Variants in TMEM17 observed in about 807,000 individuals in gnomAD.
The protein encoded by TMEM17 is transmembrane protein 17.
Under a neutral mutation model 19.1 loss-of-function variants are expected in TMEM17, and 15 were observed. That is an observed-to-expected ratio of 0.78 (90% CI 0.52 to 1.21). TMEM17 has a LOEUF of 1.21. Among genes scored for constraint, TMEM17 ranks in the 50% most tolerant of loss-of-function variants. The pLI is 0.00. For missense variants in TMEM17, 245 were observed against 242.3 expected (o/e 1.01, Z -0.07); for synonymous variants, 103 against 86.9 (o/e 1.19, Z -1.03).
the TMEM17 span, chr2:62,463,413 A>G: frequency 2.6e-5 from 4 of 152,258 alleles, 1 homozygote; most frequent in East Asian, 7.7e-4. Flanking sequence ...CCAACATTAT[A>G]GTAATAACTA....
chr2:62,472,049 G>A, the TMEM17 span, among the ~76,000 whole-genome samples: 1 of 152,340 alleles, frequency 6.6e-6, no homozygotes, highest in South Asian at 2.1e-4. Flanking sequence ...ACCTTGGCGG[G>A]GTTTCAGCCT....
the TMEM17 span, among the ~76,000 whole-genome samples, chr2:62,470,057 C>A: frequency 6.6e-6 from 1 of 152,206 alleles, no homozygotes; most frequent in Non-Finnish European, 1.5e-5. Flanking sequence ...CACCCCTGAG[C>A]CAGCAAGCTG....
chr2:62,485,263 A>T, the TMEM17 span, among the ~76,000 whole-genome samples: 41 of 152,368 alleles, frequency 2.7e-4, no homozygotes, highest in Non-Finnish European at 5.1e-4. Flanking sequence ...CTATTGCATC[A>T]GAGGATGCCA....
chr2:62,499,137 G>A (rs957571307), downstream of TMEM17, among the ~76,000 whole-genome samples: 1 of 152,028 alleles, frequency 6.6e-6, no homozygotes. Flanking sequence ...GTTTATTACA[G>A]CAAAATTACT....
At chr2:62,467,425 C>A in the TMEM17 span, among the ~76,000 whole-genome samples, 1 of 152,130 alleles carries the variant, frequency 6.6e-6, no homozygotes, top group Non-Finnish European at 1.5e-5. Context: ...CTTTAACATT[C>A]GATGAACATG....
At chr2:62,483,599 AT>A in the TMEM17 span, among the ~76,000 whole-genome samples, 26,623 of 134,120 alleles carry the variant, frequency 0.2, 2,061 homozygotes, top group East Asian at 0.28. Context: ...CCCAGGATAC[AT>A]TTTTTTTTTT....
At chr2:62,483,261 A>G in the TMEM17 span, among the ~76,000 whole-genome samples, 1 of 152,212 alleles carries the variant, frequency 6.6e-6, no homozygotes, top group African/African-American at 2.4e-5. Flanking sequence ...AGATGGAAAA[A>G]GCTGCTTGAA....
the TMEM17 span, among the ~76,000 whole-genome samples, chr2:62,455,132 C>T: frequency 6.6e-6 from 1 of 152,228 alleles, no homozygotes; most frequent in African/African-American, 2.4e-5. Flanking sequence ...TTCCCATTCC[C>T]ATTCCCACCC....
the TMEM17 span, among the ~76,000 whole-genome samples, chr2:62,464,262 C>T: frequency 6.6e-6 from 1 of 152,334 alleles, no homozygotes; most frequent in South Asian, 2.1e-4. Flanking sequence ...GCTAAAAGAG[C>T]ACTGTAACAC....
At chr2:62,502,223 C>A in intron 3 of TMEM17, 1 of 359,708 alleles carries the variant, frequency 2.8e-6, no homozygotes, top group Non-Finnish European at 5.1e-6. Flanking sequence ...CACAACAAAC[C>A]TGTGAAGTAA....
chr2:62,466,387 G>A, the TMEM17 span, among the ~76,000 whole-genome samples: 7 of 152,184 alleles, frequency 4.6e-5, no homozygotes, highest in South Asian at 2.1e-4. Flanking sequence ...ACGCTGAAGC[G>A]CAAAAGGGAG....
At chr2:62,454,133 T>A in the TMEM17 span, among the ~76,000 whole-genome samples, 1 of 152,232 alleles carries the variant, frequency 6.6e-6, no homozygotes, top group South Asian at 2.1e-4. Flanking sequence ...CTGATCTTGC[T>A]GCAGCAGCCT....
At chr2:62,472,829 G>A in the TMEM17 span, among the ~76,000 whole-genome samples, 1 of 152,234 alleles carries the variant, frequency 6.6e-6, no homozygotes, top group African/African-American at 2.4e-5. Flanking sequence ...GAAGCACATG[G>A]AGGTTTAAGA....
At chr2:62,453,847 A>G in the TMEM17 span, among the ~76,000 whole-genome samples, 1 of 152,232 alleles carries the variant, frequency 6.6e-6, no homozygotes, top group Non-Finnish European at 1.5e-5. Flanking sequence ...GGGTGGGGGA[A>G]TTCACATGCC....
rs1679900113 is a variant in TMEM17, at chr2:62,500,569, C to T, written c.*640G>A. On this transcript the variant is annotated 3_prime_UTR_variant, in exon 4 of 4. Transcript: ENST00000335390. Reference sequence around the variant, plus strand: ...CACACCATTCTCCTGCCTCAGCCTCCCAAGTAGCTGGGACTACAGGTGCCT... The same window carrying T: ...CACACCATTCTCCTGCCTCAGCCTCTCAAGTAGCTGGGACTACAGGTGCCT... The T allele has an allele frequency of 6.6e-6, 1 of 152,260 alleles. No homozygotes were observed. The highest frequency in any genetic ancestry group is 2.4e-5 in the African/African-American group (1 of 41,400). The allele number at this position is 152,260 out of a possible 1,614,324, so 9.4% of individuals were successfully genotyped here.
chr2:62,457,509 G>A, the TMEM17 span, among the ~76,000 whole-genome samples: 2 of 152,114 alleles, frequency 1.3e-5, no homozygotes, highest in South Asian at 2.1e-4. This position sits in a 1 kb window ranked among gnomAD's most constrained non-coding sequence, Gnocchi z 4.2. Context: ...AAAGCTCTGA[G>A]AAGGACATCC....
At chr2:62,459,444 C>G in the TMEM17 span, among the ~76,000 whole-genome samples, 1 of 152,232 alleles carries the variant, frequency 6.6e-6, no homozygotes, top group Non-Finnish European at 1.5e-5. Context: ...CGGGCAGGGC[C>G]CATGTTTCTG....
the TMEM17 span, among the ~76,000 whole-genome samples, chr2:62,479,911 A>AAAG: frequency 1.3e-5 from 2 of 151,394 alleles, no homozygotes; most frequent in African/African-American, 4.9e-5. Context: ...AAAAAAAAAA[A>AAAG]AAGATAAATT....
the TMEM17 span, among the ~76,000 whole-genome samples, chr2:62,475,528 T>C: frequency 1.2e-4 from 18 of 152,290 alleles, no homozygotes; most frequent in Middle Eastern, 6.8e-3. Context: ...GTCACCTCCG[T>C]GAGAGAAATT....
Sources: gnomAD v4.1 joint callset for allele counts (sites outside exome capture counted in the v4.1 genomes callset) on GRCh38, gnomAD v4.1.1 for gene constraint, Gnocchi (gnomAD v3.1) non-coding constraint, MANE v1.5 for transcripts, NCBI Gene and HGNC (gene_info 2026-07-23, HGNC 2026-07-21) for gene names.